The following FGF14 variants were observed in gnomAD, a reference collection of about 807,000 sequenced individuals.
FGF14 encodes fibroblast growth factor homologous factor 4.
A neutral mutation model predicts 25.5 loss-of-function variants in FGF14; 5 were observed. The ratio of observed to expected loss-of-function variants is 0.20; its 90% confidence interval spans 0.10 to 0.41. FGF14 has a LOEUF of 0.41. Ranked by LOEUF, FGF14 falls within the 10% of genes least tolerant of loss-of-function variation. The pLI, the probability that FGF14 is intolerant of heterozygous loss-of-function variation, is 1.00. For missense variants in FGF14, 222 were observed against 320.1 expected (o/e 0.69, Z 2.34); for synonymous variants, 138 against 118.3 (o/e 1.17, Z -1.08).
At chr13:102,042,499 T>G (rs926160961) in intron 1 of FGF14, among the ~76,000 whole-genome samples, 4 of 152,192 alleles carry the variant, frequency 2.6e-5, no homozygotes. Context: ...ATTTCCAACA[T>G]GTCTTTTTTA....
intron 3 of FGF14, among the ~76,000 whole-genome samples, chr13:101,850,431 G>A (rs2043709254): frequency 7.6e-6 from 1 of 131,064 alleles, no homozygotes; most frequent in Non-Finnish European, 1.6e-5. Flanking sequence ...TCCAGCCTGG[G>A]AAACAGGGCG....
At chr13:101,963,637 T>C (rs1325944552) in intron 1 of FGF14, among the ~76,000 whole-genome samples, 6 of 152,246 alleles carry the variant, frequency 3.9e-5, no homozygotes, top group Non-Finnish European at 8.8e-5. Context: ...ATGATATGAA[T>C]GCATTTATAT....
intron 1 of FGF14, among the ~76,000 whole-genome samples, chr13:102,110,079 C>T (rs568770600): frequency 2.6e-5 from 4 of 152,030 alleles, no homozygotes; most frequent in East Asian, 1.9e-4. Flanking sequence ...TTCTGTATTC[C>T]GTAATCATAA....
intron 1 of FGF14, among the ~76,000 whole-genome samples, chr13:102,235,367 A>G (rs948952935): frequency 2.6e-5 from 4 of 152,228 alleles, no homozygotes; most frequent in African/African-American, 7.2e-5. Flanking sequence ...ATAACCAAAT[A>G]CAATCATTCA....
intron 1 of FGF14, among the ~76,000 whole-genome samples, chr13:102,345,096 T>C (rs1451345296): frequency 6.6e-6 from 1 of 152,184 alleles, no homozygotes; most frequent in Non-Finnish European, 1.5e-5. Flanking sequence ...ACTAACTTGC[T>C]ATAAACATCT....
At chr13:102,201,996 G>A (rs377648733) in intron 1 of FGF14, among the ~76,000 whole-genome samples, 47 of 152,204 alleles carry the variant, frequency 3.1e-4, no homozygotes, top group African/African-American at 1.1e-3. Flanking sequence ...GTACTGTGTA[G>A]TGAGTGAGCT....
rs576196181 is a variant in FGF14 at position 102,329,748 on chromosome 13, C to G, written c.208+71723G>C. ...TACTAAGCACCCCTGCTCAGATCAA[C>G]ACCTCCTGTTTTCCACCTTACTCCT... On this transcript the variant is annotated intron_variant, in intron 1 of 4. Transcript: ENST00000376131. Among the ~76,000 whole-genome samples, 37 of 152,240 alleles carry G rather than the reference C, an allele frequency of 2.4e-4. No homozygotes were observed. The East Asian group carries it at 6.2e-3, about 25-fold the overall frequency.
chr13:102,088,515 G>T (rs1242174516), intron 1 of FGF14, among the ~76,000 whole-genome samples: 1 of 152,024 alleles, frequency 6.6e-6, no homozygotes, highest in Non-Finnish European at 1.5e-5. Context: ...ATCAAGATAT[G>T]GAGTAATATT....
intron 3 of FGF14, among the ~76,000 whole-genome samples, chr13:101,846,321 A>G (rs901881223): frequency 1.6e-4 from 24 of 152,076 alleles, no homozygotes; most frequent in African/African-American, 5.8e-4. Flanking sequence ...TAAAAAAAAA[A>G]TCATCAGCCT....
chr13:102,069,895 G>A (rs1238164845), intron 1 of FGF14, among the ~76,000 whole-genome samples: 4 of 152,164 alleles, frequency 2.6e-5, no homozygotes, highest in East Asian at 1.9e-4. Context: ...ATCACCTGGC[G>A]GGTGGAACTC....
At chr13:102,151,255 A>C (rs2047071198) in intron 1 of FGF14, among the ~76,000 whole-genome samples, 2 of 152,154 alleles carry the variant, frequency 1.3e-5, no homozygotes, top group Non-Finnish European at 2.9e-5. Flanking sequence ...GAAATTGCTA[A>C]ATCCTAATGG....
At chr13:102,168,050 T>C (rs1356481066) in intron 1 of FGF14, among the ~76,000 whole-genome samples, 7 of 152,216 alleles carry the variant, frequency 4.6e-5, no homozygotes, top group African/African-American at 1.4e-4. Flanking sequence ...TAAAACCACA[T>C]ATTTTTGTTT....
chr13:102,397,230 T>TA (rs1425391004), intron 1 of FGF14, among the ~76,000 whole-genome samples: 1 of 152,218 alleles, frequency 6.6e-6, no homozygotes, highest in East Asian at 1.9e-4. Context: ...AGTAGCTTTT[T>TA]AAAAAAACGT....
chr13:102,394,781 C>T (rs2058534963), intron 1 of FGF14: 1 of 152,406 alleles, frequency 6.6e-6, no homozygotes, highest in East Asian at 1.9e-4. Flanking sequence ...CCCTCCTCCT[C>T]AGAGCCGAAG....
intron 1 of FGF14, among the ~76,000 whole-genome samples, chr13:102,015,864 A>T (rs16959609): frequency 0.032 from 4,882 of 152,222 alleles, 253 homozygotes; most frequent in African/African-American, 0.11. Flanking sequence ...TTAAACTTAT[A>T]TTTTCAGCTT....
At chr13:102,308,840 T>C (rs935526697) in intron 1 of FGF14, among the ~76,000 whole-genome samples, 2 of 146,032 alleles carry the variant, frequency 1.4e-5, no homozygotes, top group African/African-American at 5.1e-5. Flanking sequence ...GTACCTGGGG[T>C]GTTATTGGGG....
At chr13:101,974,207 C>G (rs1324891870) in intron 1 of FGF14, among the ~76,000 whole-genome samples, 1 of 152,184 alleles carries the variant, frequency 6.6e-6, no homozygotes, top group African/African-American at 2.4e-5. Context: ...TGAAGATCCT[C>G]TCTACAGTCA....
intron 1 of FGF14, among the ~76,000 whole-genome samples, chr13:102,097,681 G>A (rs1200271818): frequency 3.9e-5 from 6 of 152,180 alleles, no homozygotes; most frequent in Admixed American, 6.5e-5. Flanking sequence ...ATGACTGAAC[G>A]AGTTTGTCAT....
At chr13:101,999,130 C>A (rs534199390) in intron 1 of FGF14, among the ~76,000 whole-genome samples, 2 of 152,224 alleles carry the variant, frequency 1.3e-5, no homozygotes, top group Admixed American at 6.5e-5. Flanking sequence ...AAAACCTCAA[C>A]CTTATTATCT....
Sources: allele counts gnomAD v4.1 joint callset (sites outside exome capture counted in the v4.1 genomes callset), GRCh38; gene constraint gnomAD v4.1.1; transcripts MANE v1.5; gene names NCBI Gene and HGNC (gene_info 2026-07-23, HGNC 2026-07-21).